ZAN: variants seen among roughly 807,000 people sequenced by gnomAD.
The protein encoded by ZAN is zonadhesin (gene/pseudogene).
ZAN carries 260 observed loss-of-function variants against 286.2 expected under a neutral mutation model. The observed-to-expected ratio is 0.91, with a 90% CI of 0.82 to 1.01. The LOEUF is 1.01. Ranked by LOEUF, ZAN falls within the 50% of genes least tolerant of loss-of-function variation. ZAN has a pLI of 0.00. For synonymous variants in ZAN, 1,368 were observed against 1,417.5 expected, an observed-to-expected ratio of 0.97 and a Z score of 0.79; for missense variants, 3,410 against 3,639.2, an observed-to-expected ratio of 0.94 and a Z score of 1.62.
Position 100,736,993 on chromosome 7 carries a change from T to C in ZAN, c.438T>C (p.Asp146=), listed in dbSNP as rs980911268. The part of the protein sequence containing the change: ...LLSGEEGRRP[D]VLWKHWNTQR... ...CGGGTGAAGAGGGCCGCCGCCCCGATGTGCTCTGGAAACACTGGAACACCC... is the reference window on the plus strand; with the variant it reads ...CGGGTGAAGAGGGCCGCCGCCCCGACGTGCTCTGGAAACACTGGAACACCC... The change falls in exon 5 of 48, where the codon GAT becomes GAC. Residue 146 remains aspartate (D), a synonymous_variant. Coordinates refer to ENST00000613979, the MANE Select transcript of ZAN (RefSeq NM_003386.3). 6.7e-7 allele frequency: 1 copy of C among 1,502,686 alleles called. No homozygotes were observed. Among genetic ancestry groups the C allele is most frequent in the South Asian group, 1.2e-5 (1 of 86,228 alleles). The allele number at this position is 1,502,686 out of a possible 1,614,324, so 93.1% of individuals were successfully genotyped here. A position where few individuals can be genotyped will look rare whatever the true frequency, so the allele number is the denominator to read the frequency against.
intron 35 of ZAN, among the ~76,000 whole-genome samples, chr7:100,783,791 T>TATACACAC (rs1554409792): frequency 1.8e-3 from 27 of 14,910 alleles, no homozygotes; most frequent in South Asian, 0.012. Flanking sequence ...TATACACATA[T>TATACACAC]ATATATATAC....
Position 100,758,244 on chromosome 7 carries a change from C to A in ZAN, c.3352C>A (p.Arg1118Ser). Residue 1118 changes from arginine (R) to serine (S), a missense_variant, in exon 16 of 48, where the codon CGC becomes AGC. Coordinates refer to ENST00000613979, the MANE Select transcript of ZAN (RefSeq NM_003386.3). ...CAGCCCCAACTGCACAGAACATTGC[C>A]GCTGCTGGCCCGGCAGTCGGGTCGA... ...WFSPNCTEHCRCWPGSRVECQ... is the reference protein window; with the variant it reads ...WFSPNCTEHCSCWPGSRVECQ... 6.2e-7 allele frequency: 1 copy of A among 1,613,500 alleles called. No homozygotes were observed. Among genetic ancestry groups the A allele is most frequent in the South Asian group, 1.1e-5 (1 of 91,082 alleles).
chr7:100,791,381 TTCCTCCTCCTTC>T (rs1221653676), intron 40 of ZAN, among the ~76,000 whole-genome samples: 1 of 151,874 alleles, frequency 6.6e-6, no homozygotes, highest in Admixed American at 6.6e-5. Flanking sequence ...CCTCCTCCTC[TTCCTCCTCCTTC>T]TCCTCCTCCT....
At position 100,768,832 on chromosome 7, in the gene ZAN, C is replaced by T. The variant is rs73411111; in HGVS notation, c.5153+111C>T. 1,008 of 844,452 alleles carry T rather than the reference C, an allele frequency of 1.2e-3. 9 individuals carry two copies. In the African/African-American group the frequency reaches 0.016, roughly 13 times the overall value. The allele number at this position is 844,452 out of a possible 1,614,324, so 52.3% of individuals were successfully genotyped here. A position where few individuals can be genotyped will look rare whatever the true frequency, so the allele number is the denominator to read the frequency against. On this transcript the variant is annotated intron_variant, in intron 27 of 47. Coordinates refer to ENST00000613979, the MANE Select transcript of ZAN (RefSeq NM_003386.3). ...TCCCCACTCCCTCTGTGCTGTACCT[C>T]CCAACTGGCAGGAAACTGGCAATCT...
chr7:100,738,871 T>TCTTCTTCTTCTTCTCCTTCTCCTTCTC (rs1562911218), intron 7 of ZAN, among the ~76,000 whole-genome samples: 5 of 23,704 alleles, frequency 2.1e-4, no homozygotes, highest in Non-Finnish European at 3.6e-4. Flanking sequence ...TTCCTCTTCT[T>TCTTCTTCTTCTTCTCCTTCTCCTTCTC]CTTCTCCCTC....
At chr7:100,757,081 A>T (rs528920769) in intron 15 of ZAN, among the ~76,000 whole-genome samples, 2 of 152,108 alleles carry the variant, frequency 1.3e-5, no homozygotes, top group East Asian at 3.9e-4. Flanking sequence ...TTCACTTCTA[A>T]TAGATTCATT....
intron 45 of ZAN, among the ~76,000 whole-genome samples, chr7:100,796,863 C>T (rs1381486721): frequency 6.6e-6 from 1 of 150,868 alleles, no homozygotes; most frequent in Non-Finnish European, 1.5e-5. Flanking sequence ...GGAGGGCAGG[C>T]GTGGTGGTTC....
chr7:100,795,397 A>AT (rs1812296807), intron 45 of ZAN, 61 bp downstream of exon 45: 1 of 1,421,196 alleles, frequency 7.0e-7, no homozygotes, highest in Non-Finnish European at 9.3e-7. Flanking sequence ...CAACCACAGA[A>AT]TGATTCTATA....
Position 100,752,610 on chromosome 7 carries a change from G to C in ZAN, c.2505G>C (p.Glu835Asp), listed in dbSNP as rs1181584327. Residue 835 changes from glutamate (E) to aspartate (D), a missense_variant, in exon 14 of 48, where the codon GAG (glutamate) becomes GAC (aspartate). Around this residue, in one of 7 missense-constraint regions of ZAN, gnomAD observed 90 missense variants for 87.1 expected, o/e 1.03. Transcript: ENST00000613979. ...PTEETTTSVE[E>D]TTISTEKLTI... ...AAGAAACCACCACCTCTGTTGAAGA[G>C]ACTACCATCTCTACAGAAAAACTCA... The C allele has an allele frequency of 6.3e-7, 1 of 1,596,708 alleles. No homozygotes were observed. The highest frequency in any genetic ancestry group is 8.5e-7 in the Non-Finnish European group (1 of 1,174,804).
At chr7:100,772,736 G>A (rs1278411816) in intron 29 of ZAN, among the ~76,000 whole-genome samples, 1 of 151,850 alleles carries the variant, frequency 6.6e-6, no homozygotes, top group Non-Finnish European at 1.5e-5. Context: ...CAGGAGAATG[G>A]CGTGAATCTG....
intron 29 of ZAN, 24 bp downstream of exon 29, chr7:100,772,044 C>T (rs1190676596): frequency 6.4e-7 from 1 of 1,571,604 alleles, no homozygotes; most frequent in Non-Finnish European, 8.6e-7. Context: ...CACCTGTTCC[C>T]ACAGCCCATA....
chr7:100,765,438 T>G lies in ZAN; in HGVS notation c.4354T>G (p.Cys1452Gly), dbSNP rs1809889860. The change falls in exon 23 of 48, where the codon TGC becomes GGC. Residue 1452 changes from cysteine to glycine, a missense_variant. Physicochemically the swap from Cys to Gly is radical, Grantham distance 159. Coordinates refer to ENST00000613979, the MANE Select transcript of ZAN (RefSeq NM_003386.3). ...TCHSGFSGMF[C>G]SDRCVEACEC... Reference sequence around the variant, plus strand: ...CCATTCAGGATTCTCCGGCATGTTCTGCTCAGACCGGTGCGTGGAGGCCTG... The same window carrying G: ...CCATTCAGGATTCTCCGGCATGTTCGGCTCAGACCGGTGCGTGGAGGCCTG... The G allele has an allele frequency of 6.2e-7, 1 of 1,613,948 alleles. No homozygotes were observed. The highest frequency in any genetic ancestry group is 8.5e-7 in the Non-Finnish European group (1 of 1,179,874).
chr7:100,769,834 A>T (rs755081360), intron 27 of ZAN, 46 bp from the exon 28 acceptor site: 24 of 1,525,692 alleles, frequency 1.6e-5, no homozygotes, highest in Non-Finnish European at 2.0e-5. Context: ...GGCATGAGCC[A>T]CTGCACCCAA....
chr7:100,773,681 C>A (rs1427816233), intron 30 of ZAN, 40 bp from the exon 31 acceptor site: 2 of 1,591,020 alleles, frequency 1.3e-6, no homozygotes, highest in Non-Finnish European at 1.7e-6. Flanking sequence ...TCTCCCAATT[C>A]CAACTTTCTG....
Position 100,773,353 on chromosome 7 carries a change from A to G in ZAN, c.5494A>G (p.Ile1832Val). The G allele has an allele frequency of 6.2e-7, 1 of 1,613,964 alleles. No homozygotes were observed. The highest frequency in any genetic ancestry group is 8.5e-7 in the Non-Finnish European group (1 of 1,179,866). The change falls in exon 30 of 48, where the codon ATA becomes GTA. Residue 1832 changes from isoleucine to valine, a missense_variant. Coordinates refer to ENST00000613979, the MANE Select transcript of ZAN (RefSeq NM_003386.3). ...SSPCPDTCSS[I>V]NNPRDCPKAL... ...CCCCTGCCCAGACACCTGCAGCAGC[A>G]TAAACAACCCGAGGGACTGCCCCAA... is the stretch of plus-strand genomic sequence containing the variant.
At chr7:100,756,047 C>G (rs933599198) in intron 15 of ZAN, among the ~76,000 whole-genome samples, 10 of 152,052 alleles carry the variant, frequency 6.6e-5, no homozygotes, top group Non-Finnish European at 1.3e-4. Flanking sequence ...ACGCCACCAC[C>G]CTGGCTAATT....
chr7:100,747,143 T>C (rs757012951), intron 8 of ZAN, among the ~76,000 whole-genome samples: 3 of 151,666 alleles, frequency 2.0e-5, no homozygotes, highest in Non-Finnish European at 2.9e-5. Context: ...TCCTAGCACG[T>C]TGGGAGGGTG....
intron 2 of ZAN, among the ~76,000 whole-genome samples, chr7:100,734,896 G>A (rs1378862200): frequency 2.1e-5 from 3 of 140,184 alleles, no homozygotes; most frequent in Middle Eastern, 3.2e-3. Context: ...AAGAAATGAC[G>A]GATGACAGGC....
chr7:100,762,272 T>C lies in ZAN; in HGVS notation c.3900T>C (p.Asn1300=), dbSNP rs748400264. 1.2e-6 allele frequency: 2 copies of C among 1,613,684 alleles called. No homozygotes were observed. Among genetic ancestry groups the C allele is most frequent in the Non-Finnish European group, 1.7e-6 (2 of 1,179,776 alleles). ...LCGNYDGNSD[N]DHLKLDGSPA... ...GGAACTATGACGGCAACAGTGACAA[T>C]GACCACCTGAAGTTGGACGGCAGCC... The change falls in exon 20 of 48, where the codon AAT becomes AAC. Residue 1300 remains asparagine (N), a synonymous_variant. Coordinates refer to ENST00000613979, the MANE Select transcript of ZAN (RefSeq NM_003386.3).
Sources: allele counts gnomAD v4.1 joint callset (sites outside exome capture counted in the v4.1 genomes callset), GRCh38; gene constraint gnomAD v4.1.1; regional missense constraint gnomAD v4.1.1; transcripts MANE v1.5; gene names NCBI Gene and HGNC (gene_info 2026-07-23, HGNC 2026-07-21).